SPOCK3: variants seen among roughly 807,000 people sequenced by gnomAD.
The protein encoded by SPOCK3 is testican-3.
SPOCK3 carries 30 observed loss-of-function variants against 56.6 expected under a neutral mutation model. The ratio of observed to expected loss-of-function variants is 0.53; its 90% CI spans 0.40 to 0.72. SPOCK3 has a LOEUF of 0.72. Ranked by LOEUF, SPOCK3 falls within the 30% of genes least tolerant of loss-of-function variation. The probability of loss-of-function intolerance (pLI) is 0.00; values close to 1 mark genes in which losing one functional copy is unlikely to be tolerated. For synonymous variants in SPOCK3, 196 were observed against 183.3 expected (o/e 1.07, Z -0.56); for missense variants, 527 against 530.0 (o/e 0.99, Z 0.06).
chr4:166,806,470 T>C (rs993947224), intron 6 of SPOCK3, among the ~76,000 whole-genome samples: 1 of 152,074 alleles, frequency 6.6e-6, no homozygotes, highest in African/African-American at 2.4e-5. Context: ...CTAAGTTATT[T>C]CTCCAACATT....
intron 2 of SPOCK3, among the ~76,000 whole-genome samples, chr4:167,209,707 G>A (rs1345083378): frequency 6.6e-6 from 1 of 152,136 alleles, no homozygotes; most frequent in Non-Finnish European, 1.5e-5. Context: ...ACCTGAGAAT[G>A]CAGGAGCATG....
chr4:167,192,061 T>G (rs1732513279), intron 2 of SPOCK3, among the ~76,000 whole-genome samples: 2 of 146,110 alleles, frequency 1.4e-5, no homozygotes, highest in Admixed American at 1.4e-4. Flanking sequence ...CCATTCATTC[T>G]GTTAATGTCA....
chr4:167,007,965 T>A (rs1749625993), intron 3 of SPOCK3, among the ~76,000 whole-genome samples: 1 of 152,044 alleles, frequency 6.6e-6, no homozygotes, highest in African/African-American at 2.4e-5. Flanking sequence ...AAGAAATAAA[T>A]TTTTCACATG....
At chr4:167,077,525 C>A (rs1231502471) in intron 2 of SPOCK3, among the ~76,000 whole-genome samples, 4 of 151,848 alleles carry the variant, frequency 2.6e-5, no homozygotes, top group Non-Finnish European at 4.4e-5. Flanking sequence ...CTCTATATTA[C>A]ATGTGTTTTA....
chr4:167,103,629 T>C (rs1464763838), intron 2 of SPOCK3, among the ~76,000 whole-genome samples: 1 of 152,162 alleles, frequency 6.6e-6, no homozygotes, highest in East Asian at 1.9e-4. Context: ...GGCTCCCAGA[T>C]GGCATCTCTG....
intron 6 of SPOCK3, among the ~76,000 whole-genome samples, chr4:166,884,214 G>A (rs930083057): frequency 4.6e-5 from 7 of 151,910 alleles, no homozygotes; most frequent in African/African-American, 1.5e-4. Flanking sequence ...TTAACCGGGC[G>A]TGGTGGCTGG....
chr4:166,992,961 C>T (rs1195016764), intron 4 of SPOCK3, among the ~76,000 whole-genome samples: 1 of 152,150 alleles, frequency 6.6e-6, no homozygotes. Flanking sequence ...CATCTATTCC[C>T]TGTGTCATAG....
At chr4:167,135,241 A>C (rs1187560033) in intron 2 of SPOCK3, among the ~76,000 whole-genome samples, 1 of 152,042 alleles carries the variant, frequency 6.6e-6, no homozygotes, top group East Asian at 1.9e-4. Context: ...CTGAAAATGC[A>C]TACATAGAAA....
chr4:167,031,352 C>A (rs9312475), intron 3 of SPOCK3, among the ~76,000 whole-genome samples: 54,903 of 151,764 alleles, frequency 0.36, 12,294 homozygotes, highest in African/African-American at 0.64. Context: ...AAGAACAAAT[C>A]TACTTGATAT....
At chr4:166,745,188 AT>A (rs1735432964) in intron 8 of SPOCK3, among the ~76,000 whole-genome samples, 1 of 152,202 alleles carries the variant, frequency 6.6e-6, no homozygotes, top group Non-Finnish European at 1.5e-5. Flanking sequence ...CATAATTTTC[AT>A]ATGCACCAAG....
intron 6 of SPOCK3, among the ~76,000 whole-genome samples, chr4:166,821,082 G>T (rs1319317686): frequency 6.6e-6 from 1 of 151,840 alleles, no homozygotes; most frequent in Admixed American, 6.6e-5. Context: ...AAAACATAAA[G>T]AAATATTATA....
At chr4:166,768,308 T>C (rs935498592) in intron 7 of SPOCK3, among the ~76,000 whole-genome samples, 1 of 152,224 alleles carries the variant, frequency 6.6e-6, no homozygotes, top group Non-Finnish European at 1.5e-5. Flanking sequence ...ATTTGTCATG[T>C]TTTTGCAGTG....
At chr4:166,919,851 G>T (rs556595377) in intron 4 of SPOCK3, among the ~76,000 whole-genome samples, 1 of 152,216 alleles carries the variant, frequency 6.6e-6, no homozygotes, top group Non-Finnish European at 1.5e-5. Context: ...TGAAAGAAGT[G>T]TTAGAAAGTT....
rs185900697 is a variant in SPOCK3, at chr4:166,845,460, A to G, written c.589+43670T>C. On this transcript the variant is annotated intron_variant, in intron 6 of 10. Coordinates refer to ENST00000357545, the MANE Select transcript of SPOCK3 (RefSeq NM_001040159.2). ...TATGTTAAATATTTCACTTTGTGCT[A>G]TAACTTATAATCTTATATTTTTTCT... Among the ~76,000 whole-genome samples the G allele has an allele frequency of 3.8e-4, 58 of 152,340 alleles. No homozygotes were observed. In the East Asian group the frequency reaches 0.011, roughly 29 times the overall value.
chr4:167,203,873 A>G (rs946176423), intron 2 of SPOCK3, among the ~76,000 whole-genome samples: 1 of 152,138 alleles, frequency 6.6e-6, no homozygotes, highest in Admixed American at 6.6e-5. Flanking sequence ...AATATTCTAA[A>G]TGATACACTA....
intron 2 of SPOCK3, among the ~76,000 whole-genome samples, chr4:167,154,534 T>C (rs570000790): frequency 6.6e-6 from 1 of 152,286 alleles, no homozygotes; most frequent in African/African-American, 2.4e-5. Flanking sequence ...GCAGCTGTCA[T>C]AGATTTAAAC....
chr4:167,141,928 G>C (rs966546991), intron 2 of SPOCK3, among the ~76,000 whole-genome samples: 2 of 151,970 alleles, frequency 1.3e-5, no homozygotes, highest in Admixed American at 1.3e-4. Context: ...CTTTCAGCAA[G>C]CAAATAAGCT....
intron 6 of SPOCK3, among the ~76,000 whole-genome samples, chr4:166,831,290 G>A (rs2126794626): frequency 6.6e-6 from 1 of 152,256 alleles, no homozygotes; most frequent in East Asian, 1.9e-4. Context: ...AACCTCATAA[G>A]GGGAGCTGGC....
chr4:166,923,907 C>T (rs1299583516), intron 4 of SPOCK3, among the ~76,000 whole-genome samples: 1 of 152,134 alleles, frequency 6.6e-6, no homozygotes, highest in Admixed American at 6.5e-5. Context: ...GCAGGCATAT[C>T]AACATCCCTC....
Sources: gnomAD v4.1 joint callset for allele counts (sites outside exome capture counted in the v4.1 genomes callset) on GRCh38, gnomAD v4.1.1 for gene constraint, MANE v1.5 for transcripts, NCBI Gene and HGNC (gene_info 2026-07-23, HGNC 2026-07-21) for gene names.